Variants in SUMF1 observed in about 807,000 individuals in gnomAD.
SUMF1 encodes sulfatase modifying factor 1.
Under a neutral mutation model 47.6 loss-of-function variants are expected in SUMF1, and 48 were observed. That is an observed-to-expected ratio of 1.01 (90% CI 0.80 to 1.28). The LOEUF (loss-of-function observed/expected upper bound fraction) is 1.28, where lower values mean the gene tolerates loss of function less well. Ranked by LOEUF, SUMF1 falls within the 50% of genes most tolerant of loss-of-function variation. The pLI, the probability that SUMF1 is intolerant of heterozygous loss-of-function variation, is 0.00. For missense variants in SUMF1, 571 were observed against 485.4 expected (o/e 1.18, Z -1.66); for synonymous variants, 230 against 192.1 (o/e 1.20, Z -1.63).
At chr3:4,037,481 A>T (rs1289679544) in intron 9 of SUMF1, among the ~76,000 whole-genome samples, 1 of 152,220 alleles carries the variant, frequency 6.6e-6, no homozygotes, top group South Asian at 2.1e-4. Flanking sequence ...TTAATGGTAG[A>T]GGGAGGAATA....
chr3:4,226,249 G>GT lies in SUMF1; in HGVS notation c.1014+150080dup, dbSNP rs753319759. Among the ~76,000 whole-genome samples, 640 of 125,338 alleles carry GT rather than the reference G, an allele frequency of 5.1e-3. 4 individuals carry two copies. The highest frequency in any genetic ancestry group is 0.021 in the Middle Eastern group (5 of 236). 82.2% of individuals were successfully genotyped at this position (125,338 alleles called of 152,430 possible). A position where few individuals can be genotyped will look rare whatever the true frequency, so the allele number is the denominator to read the frequency against. ...AGCTATTACCACCATCATGATTATT[G>GT]TTTTTTTTTTGTTTCTTTTTTTTTT... On this transcript the variant is annotated intron_variant and NMD_transcript_variant, in intron 8 of 12. Coordinates refer to the SUMF1 transcript ENST00000448413.
At position 4,040,536 on chromosome 3, in the gene SUMF1, G is replaced by A. The variant is rs929435864; in HGVS notation, c.1191+28033C>T. 2.0e-5 allele frequency among the ~76,000 whole-genome samples: 3 copies of A among 152,198 alleles called. No homozygotes were observed. The South Asian group carries it at 6.2e-4, about 32-fold the overall frequency. ...GCAATTGAAACAATAGCAACTATAT[G>A]AACAAAATCAACTTCCAAAATACTC... On this transcript the variant is annotated intron_variant and NMD_transcript_variant, in intron 9 of 12. Coordinates refer to the SUMF1 transcript ENST00000448413.
intron 8 of SUMF1, among the ~76,000 whole-genome samples, chr3:4,236,389 G>T (rs1696410040): frequency 6.6e-6 from 1 of 152,028 alleles, no homozygotes; most frequent in African/African-American, 2.4e-5. Flanking sequence ...AGAAAAATGA[G>T]AAATGGTCAA....
rs1171838507 is a variant in SUMF1, at chr3:4,442,917, T to C, written c.519+6349A>G. The stretch of plus-strand genomic sequence containing the variant: ...AGAAGAAGCAGCAGAACAACATCCT[T>C]ATGAATAACAAATGCAGTCAGGAAG... On this transcript the variant is annotated intron_variant, in intron 3 of 8. Coordinates refer to ENST00000272902, the MANE Select transcript of SUMF1 (RefSeq NM_182760.4). 4.0e-5 allele frequency among the ~76,000 whole-genome samples: 6 copies of C among 150,528 alleles called. No homozygotes were observed. In the East Asian group the frequency reaches 1.2e-3, roughly 29 times the overall value.
In SUMF1 at chr3:4,466,965, C is replaced by T. The variant is rs1420271588; in HGVS notation, c.270+11G>A. 1 of 1,604,788 alleles carries T rather than the reference C, an allele frequency of 6.2e-7. No homozygotes were observed. Among genetic ancestry groups the T allele is most frequent in the Non-Finnish European group, 8.5e-7 (1 of 1,177,174 alleles). ...CAGCCCCCACCCGCCTCGGAGGAAT[C>T]GATGGAGCACCTTTGAGTGCGCGAG... On this transcript the variant is annotated intron_variant, in intron 1 of 8. Transcript: ENST00000272902.
chr3:4,066,943 A>G (rs541185729), intron 9 of SUMF1, among the ~76,000 whole-genome samples: 1 of 152,140 alleles, frequency 6.6e-6, no homozygotes, highest in African/African-American at 2.4e-5. Flanking sequence ...CCATTTCTCA[A>G]CTGGATGGTG....
intron 8 of SUMF1, among the ~76,000 whole-genome samples, chr3:4,354,623 C>G (rs1559239691): frequency 6.6e-6 from 1 of 152,088 alleles, no homozygotes; most frequent in Admixed American, 6.5e-5. Flanking sequence ...ATCATGCCAG[C>G]TTTTTTCTTT....
intron 8 of SUMF1, among the ~76,000 whole-genome samples, chr3:4,215,767 T>C (rs1336552988): frequency 6.6e-6 from 1 of 152,006 alleles, no homozygotes; most frequent in Non-Finnish European, 1.5e-5. Context: ...GAGAGCCAAA[T>C]CATGAGTCAA....
intron 8 of SUMF1, among the ~76,000 whole-genome samples, chr3:4,242,808 C>A (rs1696571972): frequency 2.0e-5 from 3 of 152,108 alleles, no homozygotes; most frequent in Admixed American, 1.3e-4. Context: ...AGGGAGGATT[C>A]CCTCCTTTTC....
At chr3:4,303,504 G>C in intron 8 of SUMF1, 1 of 1,449,810 alleles carries the variant, frequency 6.9e-7, no homozygotes, top group Non-Finnish European at 9.0e-7. Flanking sequence ...TGGCCCCCGG[G>C]GGCCGCGCCG....
At chr3:4,268,002 A>T (rs1697230698) in intron 8 of SUMF1, among the ~76,000 whole-genome samples, 1 of 150,684 alleles carries the variant, frequency 6.6e-6, no homozygotes, top group Admixed American at 6.6e-5. Flanking sequence ...TCCAACAATG[A>T]TAGACTGGAT....
At chr3:4,461,782 ACAAATGT>A (rs1249916020) in intron 1 of SUMF1, among the ~76,000 whole-genome samples, 2 of 152,230 alleles carry the variant, frequency 1.3e-5, no homozygotes. Context: ...TTTCTGTCCT[ACAAATGT>A]CAAATGTCAT....
intron 1 of SUMF1, among the ~76,000 whole-genome samples, chr3:4,464,416 G>GTA (rs1383924732): frequency 6.6e-6 from 1 of 151,276 alleles, no homozygotes; most frequent in Non-Finnish European, 1.5e-5. Context: ...GTGTGTTTGT[G>GTA]TGTGTGTGTG....
At chr3:4,371,763 G>A (rs1201655616) in intron 8 of SUMF1, among the ~76,000 whole-genome samples, 5 of 152,146 alleles carry the variant, frequency 3.3e-5, no homozygotes, top group Non-Finnish European at 7.3e-5. Context: ...CTATGAGATA[G>A]GCATCATTAG....
intron 8 of SUMF1, among the ~76,000 whole-genome samples, chr3:4,344,784 G>C (rs910621126): frequency 3.1e-4 from 47 of 152,218 alleles, no homozygotes; most frequent in African/African-American, 9.6e-4. Flanking sequence ...TAAGAACCTT[G>C]ATAAGAGGTT....
intron 8 of SUMF1, among the ~76,000 whole-genome samples, chr3:4,123,191 T>G (rs1693582569): frequency 2.0e-5 from 3 of 152,018 alleles, no homozygotes; most frequent in Admixed American, 1.3e-4. Flanking sequence ...AGAGATGCAA[T>G]GGTCAAGGAA....
intron 1 of SUMF1, among the ~76,000 whole-genome samples, chr3:4,463,865 G>A (rs1461703168): frequency 1.3e-5 from 2 of 152,180 alleles, no homozygotes; most frequent in Non-Finnish European, 2.9e-5. Context: ...AAACTATTAG[G>A]ATAATTTTCT....
intron 8 of SUMF1, among the ~76,000 whole-genome samples, chr3:4,366,933 A>T (rs1699983451): frequency 6.6e-6 from 1 of 152,118 alleles, no homozygotes; most frequent in Admixed American, 6.5e-5. Flanking sequence ...TTTCCTTCTA[A>T]CAGACAGGAC....
At chr3:4,260,741 A>G (rs773186790) in intron 8 of SUMF1, among the ~76,000 whole-genome samples, 1 of 152,126 alleles carries the variant, frequency 6.6e-6, no homozygotes, top group Non-Finnish European at 1.5e-5. Flanking sequence ...TCTAAGAAAA[A>G]AAAAAGAAAA....
Sources: allele counts gnomAD v4.1 joint callset (sites outside exome capture counted in the v4.1 genomes callset), GRCh38; gene constraint gnomAD v4.1.1; transcripts MANE v1.5; gene names NCBI Gene and HGNC (gene_info 2026-07-23, HGNC 2026-07-21).